The following ERBIN variants were observed in gnomAD, a reference collection of about 807,000 sequenced individuals.
ERBIN encodes the protein densin-180-like protein.
Under a neutral mutation model 158.4 loss-of-function variants are expected in ERBIN, and 60 were observed. The ratio of observed to expected loss-of-function variants is 0.38; its 90% CI spans 0.31 to 0.47. The LOEUF (loss-of-function observed/expected upper bound fraction) is 0.47, where lower values mean the gene tolerates loss of function less well. ERBIN is among the 20% of genes least tolerant of loss of function. The probability of loss-of-function intolerance (pLI) is 0.99; values close to 1 mark genes in which losing one functional copy is unlikely to be tolerated. For synonymous variants in ERBIN, 594 were observed against 557.2 expected, an observed-to-expected ratio of 1.07 and a Z score of -0.93; for missense variants, 1,610 against 1,648.0, an observed-to-expected ratio of 0.98 and a Z score of 0.40.
chr5:65,976,657 C>A (rs1749906638), intron 1 of ERBIN, among the ~76,000 whole-genome samples: 1 of 151,068 alleles, frequency 6.6e-6, no homozygotes, highest in South Asian at 2.1e-4. Context: ...GGCAGAGGAC[C>A]CTGCGGCCTT....
chr5:66,049,986 G>C (rs1316042364), intron 19 of ERBIN, among the ~76,000 whole-genome samples: 2 of 151,924 alleles, frequency 1.3e-5, no homozygotes, highest in Non-Finnish European at 2.9e-5. Flanking sequence ...AAAATTCCTT[G>C]ATTTGTTTGG....
intron 19 of ERBIN, 102 bp from the exon 20 acceptor site, chr5:66,050,681 A>G: frequency 1.6e-6 from 1 of 624,768 alleles, no homozygotes; most frequent in South Asian, 2.8e-5. Flanking sequence ...ATTACCTCAT[A>G]TATAGAACCA....
At chr5:65,936,014 A>G (rs1296329422) in intron 1 of ERBIN, among the ~76,000 whole-genome samples, 2 of 152,168 alleles carry the variant, frequency 1.3e-5, no homozygotes, top group Admixed American at 6.5e-5. Flanking sequence ...GGTGTGAGCC[A>G]CTGCACCCAG....
chr5:65,944,278 C>T lies in ERBIN; in HGVS notation c.-58+17472C>T, dbSNP rs79256014. Among the ~76,000 whole-genome samples the T allele has an allele frequency of 5.4e-3, 807 of 149,478 alleles. 3 individuals carry two copies. The highest frequency in any genetic ancestry group is 0.019 in the African/African-American group (772 of 40,502). On this transcript the variant is annotated intron_variant, in intron 1 of 25. Coordinates refer to ENST00000284037, the MANE Select transcript of ERBIN (RefSeq NM_001253697.2). ...TGGCTCTACCACTGTATATTTCCAC[C>T]GAAAGTATACAAGAGTTCCAGTTTC...
At chr5:66,073,209 A>G (rs980741776) in intron 22 of ERBIN, among the ~76,000 whole-genome samples, 5 of 152,208 alleles carry the variant, frequency 3.3e-5, no homozygotes, top group African/African-American at 9.7e-5. Context: ...TAAGGTCAGT[A>G]GTAATTGTCA....
intron 1 of ERBIN, among the ~76,000 whole-genome samples, chr5:65,962,176 A>G (rs1216471037): frequency 1.3e-5 from 2 of 152,238 alleles, no homozygotes; most frequent in African/African-American, 4.8e-5. Flanking sequence ...GAGTGCTTTT[A>G]CATTTGAATG....
At position 66,021,395 on chromosome 5, in the gene ERBIN, C is replaced by T. The variant is rs1438941242; in HGVS notation, c.597+10C>T. ...CGAATTCACGGAAGTGGTAAGTTCT[C>T]ATCAGTCTCACTTTCCCTAAGTTCT... On this transcript the variant is annotated intron_variant, in intron 8 of 25. Coordinates refer to ENST00000284037, the MANE Select transcript of ERBIN (RefSeq NM_001253697.2). 4 of 1,567,002 alleles carry T rather than the reference C, an allele frequency of 2.6e-6. No individual in the cohort carries two copies. The South Asian group carries it at 3.5e-5, about 14-fold the overall frequency.
At chr5:66,013,159 A>G (rs1287407868) in intron 5 of ERBIN, among the ~76,000 whole-genome samples, 2 of 152,190 alleles carry the variant, frequency 1.3e-5, no homozygotes, top group African/African-American at 4.8e-5. Flanking sequence ...TCAGCCCAAA[A>G]TTTCTCTGCC....
chr5:66,073,850 T>A (rs1341892751), intron 22 of ERBIN, among the ~76,000 whole-genome samples: 1 of 152,052 alleles, frequency 6.6e-6, no homozygotes, highest in Non-Finnish European at 1.5e-5. Context: ...TCTTTTTATA[T>A]GCAAATATTT....
At chr5:66,020,131 G>C (rs76438039) in intron 7 of ERBIN, among the ~76,000 whole-genome samples, 3,173 of 152,054 alleles carry the variant, frequency 0.021, 119 homozygotes, top group African/African-American at 0.071. Flanking sequence ...CTAGGTGAAA[G>C]CAGTTTTATA....
chr5:66,061,776 G>A (rs972960078), intron 21 of ERBIN, among the ~76,000 whole-genome samples: 2 of 150,806 alleles, frequency 1.3e-5, no homozygotes, highest in South Asian at 2.1e-4. Flanking sequence ...TTGTCTGTAA[G>A]GTATTTTATT....
chr5:65,956,016 G>T (rs923780010), intron 1 of ERBIN, among the ~76,000 whole-genome samples: 6 of 152,166 alleles, frequency 3.9e-5, no homozygotes, highest in African/African-American at 1.4e-4. Context: ...AATACATGGT[G>T]TGTATAGAGT....
At chr5:65,990,730 G>T (rs1050140775) in intron 2 of ERBIN, among the ~76,000 whole-genome samples, 2 of 151,980 alleles carry the variant, frequency 1.3e-5, no homozygotes, top group South Asian at 4.2e-4. Context: ...ACAGTGCCTG[G>T]TATAGAGTGA....
At chr5:66,077,042 G>A in intron 25 of ERBIN, 93 bp downstream of exon 25, 1 of 962,810 alleles carries the variant, frequency 1.0e-6, no homozygotes, top group South Asian at 1.6e-5. Flanking sequence ...AAAATTGTGG[G>A]TGGGAGGCTG....
chr5:66,043,618 GTTTC>G (rs2151203732), intron 16 of ERBIN, among the ~76,000 whole-genome samples: 1 of 151,558 alleles, frequency 6.6e-6, no homozygotes, highest in East Asian at 1.9e-4. Flanking sequence ...TGAACATTTT[GTTTC>G]TTTATGGAAT....
chr5:66,007,393 GT>G (rs1753719442), intron 4 of ERBIN, among the ~76,000 whole-genome samples: 1 of 145,428 alleles, frequency 6.9e-6, no homozygotes, highest in South Asian at 2.3e-4. Flanking sequence ...CTGTCGTGGG[GT>G]TGGGGGAGCG....
intron 21 of ERBIN, among the ~76,000 whole-genome samples, chr5:66,061,271 G>T (rs1760277027): frequency 6.6e-6 from 1 of 152,172 alleles, no homozygotes; most frequent in African/African-American, 2.4e-5. Flanking sequence ...AGTTCTTGTT[G>T]AATTGATCCC....
At chr5:65,941,624 A>G (rs890525330) in intron 1 of ERBIN, among the ~76,000 whole-genome samples, 8 of 152,176 alleles carry the variant, frequency 5.3e-5, no homozygotes, top group Admixed American at 5.2e-4. Context: ...GCTTGATGTA[A>G]TTTACATGTA....
At chr5:65,942,793 C>T (rs1467452295) in intron 1 of ERBIN, among the ~76,000 whole-genome samples, 2 of 151,932 alleles carry the variant, frequency 1.3e-5, no homozygotes, top group African/African-American at 4.8e-5. Flanking sequence ...GGTGTGGTTG[C>T]GCATGCCTGT....
Sources: gnomAD v4.1 joint callset for allele counts (sites outside exome capture counted in the v4.1 genomes callset) on GRCh38, gnomAD v4.1.1 for gene constraint, MANE v1.5 for transcripts, NCBI Gene and HGNC (gene_info 2026-07-23, HGNC 2026-07-21) for gene names.